SRRM2: variants seen among roughly 807,000 people sequenced by gnomAD.
SRRM2 encodes serine/arginine repetitive matrix protein 2.
SRRM2 carries 30 observed loss-of-function variants against 213.8 expected under a neutral mutation model. The ratio of observed to expected loss-of-function variants is 0.14; its 90% CI spans 0.10 to 0.19. The LOEUF (loss-of-function observed/expected upper bound fraction) is 0.19. Among genes scored for constraint, SRRM2 ranks in the 10% least tolerant of loss-of-function variants. SRRM2 has a pLI of 1.00. For synonymous variants in SRRM2, 2,025 were observed against 1,377.7 expected (o/e 1.47, Z -10.40); for missense variants, 4,904 against 3,647.0 (o/e 1.34, Z -8.88).
In SRRM2 at chr16:2,761,975, A is replaced by C. The variant is rs776738864; in HGVS notation, c.1447A>C (p.Arg483=). 2.5e-6 allele frequency: 4 copies of C among 1,614,030 alleles called. No individual in the cohort carries two copies. The highest frequency in any genetic ancestry group is 3.4e-6 in the Non-Finnish European group (4 of 1,179,990). ...HSHTPSRRMG[R]SRSPATAKRG... is the part of the protein sequence containing the mutation. The stretch of plus-strand genomic sequence containing the variant: ...TCATACCCCCTCCCGTAGGATGGGG[A>C]GGTCCCGTAGCCCTGCCACCGCTAA... The change falls in exon 11 of 15, where the codon AGG becomes CGG. Residue 483 remains arginine, a synonymous_variant. Transcript: ENST00000301740.
intron 1 of SRRM2, among the ~76,000 whole-genome samples, chr16:2,754,322 C>A (rs1051524614): frequency 2.0e-5 from 3 of 150,658 alleles, no homozygotes; most frequent in Non-Finnish European, 4.4e-5. Context: ...GAGACGGAGT[C>A]TAGCTCTGTT....
chr16:2,768,841 C>T (rs1369181377), intron 11 of SRRM2, 156 bp from the exon 12 acceptor site: 1 of 1,478,302 alleles, frequency 6.8e-7, no homozygotes, highest in East Asian at 2.5e-5. Context: ...CAGCTCGCAC[C>T]ACTGCTCTCC....
chr16:2,754,197 G>A (rs556503608), intron 1 of SRRM2, among the ~76,000 whole-genome samples: 1 of 151,956 alleles, frequency 6.6e-6, no homozygotes, highest in Non-Finnish European at 1.5e-5. Flanking sequence ...CCGTGGGGTC[G>A]TCGTCTTTTT....
chr16:2,769,180 ATCTTCCTCCTCCTCG>A lies in SRRM2; in HGVS notation c.7920_7934del (p.Ser2644_Ser2648del). ...CTTCCTCTTCTTCTTCTTCCTCCTCATCTTCCTCCTCCTCGTCGTCTTCCTCCCCTTCCCCTGCTA... is the reference window on the plus strand; with the variant it reads ...CTTCCTCTTCTTCTTCTTCCTCCTCATCGTCTTCCTCCCCTTCCCCTGCTA... On this transcript the variant is annotated inframe_deletion, in exon 12 of 15. Coordinates refer to ENST00000301740, the MANE Select transcript of SRRM2 (RefSeq NM_016333.4). The A allele has an allele frequency of 6.2e-7, 1 of 1,605,398 alleles. No individual in the cohort carries two copies. The highest frequency in any genetic ancestry group is 8.5e-7 in the Non-Finnish European group (1 of 1,176,002).
Position 2,765,930 on chromosome 16 carries a change from G to C in SRRM2, c.5402G>C (p.Arg1801Thr). ...SGSSQSTSRR[R>T]QRSRSRSRVT... ...TCTTCTCAGTCAACCTCTCGGCGAA[G>C]ACAGCGGAGCCGGTCAAGGTCGCGG... Residue 1801 changes from arginine (R) to threonine (T), a missense_variant, in exon 11 of 15, where the codon AGA (arginine) becomes ACA (threonine). By Grantham distance (71) the Arg-to-Thr change is moderately conservative. Coordinates refer to ENST00000301740, the MANE Select transcript of SRRM2 (RefSeq NM_016333.4). 1 of 1,614,228 alleles carries C rather than the reference G, an allele frequency of 6.2e-7. No individual in the cohort carries two copies. Among genetic ancestry groups the C allele is most frequent in the African/African-American group, 1.3e-5 (1 of 75,060 alleles).
intron 12 of SRRM2, chr16:2,769,587 C>G (rs780785792): frequency 1.6e-6 from 1 of 635,690 alleles, no homozygotes; most frequent in African/African-American, 1.8e-5. Context: ...TGCCAGGGCT[C>G]TGGTCTGGCC....
chr16:2,766,474 A>G lies in SRRM2; in HGVS notation c.5946A>G (p.Ser1982=). 2 of 1,614,018 alleles carry G rather than the reference A, an allele frequency of 1.2e-6. No homozygotes were observed. The highest frequency in any genetic ancestry group is 1.7e-6 in the Non-Finnish European group (2 of 1,179,960). The change falls in exon 11 of 15, where the codon TCA becomes TCG. Residue 1982 remains serine (S), a synonymous_variant. Transcript: ENST00000301740. The surrounding 1 kb of genome is among the most constrained non-coding windows in gnomAD (Gnocchi z 7.0). The stretch of plus-strand genomic sequence containing the variant: ...CTTCGCCTATCACTCGCAGAAGATC[A>G]AGATCCAGAACATCTCCGGTCACCC... ...SRTSPITRRR[S]RSRTSPVTRR...
chr16:2,759,446 C>T (rs1436754566), intron 8 of SRRM2, 44 bp downstream of exon 8: 2 of 1,594,930 alleles, frequency 1.3e-6, no homozygotes, highest in Admixed American at 1.7e-5. Context: ...TAAGTGAACG[C>T]CACCTTAGTG....
rs781172295 is a variant in SRRM2, at chr16:2,765,304, C to T, written c.4776C>T (p.Ser1592=). ...SPEVDSKSRL[S]PRRSRSGSSP... Reference sequence around the variant, plus strand: ...AGGTTGACAGCAAATCTCGACTATCCCCTCGGCGCAGTAGGTCTGGTTCCT... The same window carrying T: ...AGGTTGACAGCAAATCTCGACTATCTCCTCGGCGCAGTAGGTCTGGTTCCT... Residue 1592 remains serine (S), a synonymous_variant, in exon 11 of 15, where the codon TCC becomes TCT. Coordinates refer to ENST00000301740, the MANE Select transcript of SRRM2 (RefSeq NM_016333.4). 4 of 1,613,960 alleles carry T rather than the reference C, an allele frequency of 2.5e-6. No homozygotes were observed. The highest frequency in any genetic ancestry group is 3.3e-5 in the Admixed American group (2 of 59,994).
chr16:2,758,661 G>A, intron 5 of SRRM2, 114 bp downstream of exon 5: 1 of 1,052,076 alleles, frequency 9.5e-7, no homozygotes, highest in Non-Finnish European at 1.4e-6. Context: ...TTGTCAGGGA[G>A]GAGGGAGTTA....
chr16:2,754,806 T>G (rs11863130), intron 1 of SRRM2, among the ~76,000 whole-genome samples: 4,135 of 152,108 alleles, frequency 0.027, 218 homozygotes, highest in African/African-American at 0.094. Context: ...TGTAGAGAAA[T>G]TGATTTTTTG....
rs764790561 is a variant in SRRM2 at position 2,761,552 on chromosome 16, C to T, written c.1033-9C>T. ...GAATCCCTATCCCTGCTCTCTCTTCCACTCTTAGAAATCTGCAACTCGACC... is the reference window on the plus strand; with the variant it reads ...GAATCCCTATCCCTGCTCTCTCTTCTACTCTTAGAAATCTGCAACTCGACC... On this transcript the variant is annotated splice_polypyrimidine_tract_variant and intron_variant, in intron 10 of 14. Coordinates refer to ENST00000301740, the MANE Select transcript of SRRM2 (RefSeq NM_016333.4). 27 of 1,496,248 alleles carry T rather than the reference C, an allele frequency of 1.8e-5. No homozygotes were observed. In the East Asian group the frequency reaches 5.8e-4, roughly 32 times the overall value. 92.7% of individuals were successfully genotyped at this position (1,496,248 alleles called of 1,614,324 possible).
Position 2,766,252 on chromosome 16 carries a change from A to G in SRRM2, c.5724A>G (p.Arg1908=), listed in dbSNP as rs746611392. Reference sequence around the variant, plus strand: ...CAAGGTCCAGGACTTCAGTGACTCGACGAAGATCCCGGTCAAGAGCATCCC... The same window carrying G: ...CAAGGTCCAGGACTTCAGTGACTCGGCGAAGATCCCGGTCAAGAGCATCCC... The part of the protein sequence containing the change: ...RRSRSRTSVT[R]RRSRSRASPV... The change falls in exon 11 of 15, where the codon CGA becomes CGG. Residue 1908 remains arginine (R), a synonymous_variant. Coordinates refer to ENST00000301740, the MANE Select transcript of SRRM2 (RefSeq NM_016333.4). This position sits in a 1 kb window ranked among gnomAD's most constrained non-coding sequence, Gnocchi z 7.0. The G allele has an allele frequency of 1.2e-6, 2 of 1,614,164 alleles. No homozygotes were observed. Among genetic ancestry groups the G allele is most frequent in the Non-Finnish European group, 8.5e-7 (1 of 1,180,034 alleles).
At position 2,771,110 on chromosome 16, in the gene SRRM2, A is replaced by C. The variant is rs1596300022; in HGVS notation, c.*243A>C. On this transcript the variant is annotated 3_prime_UTR_variant, in exon 15 of 15. Coordinates refer to ENST00000301740, the MANE Select transcript of SRRM2 (RefSeq NM_016333.4). ...TGGGGTGGGAGGGAATGCAGATGGG[A>C]GTTGGGGGAGGGGAGGATACAGTTC... 4.0e-6 allele frequency: 2 copies of C among 499,568 alleles called. No homozygotes were observed. Among genetic ancestry groups the C allele is most frequent in the South Asian group, 4.2e-5 (2 of 47,452 alleles). 30.9% of individuals were successfully genotyped at this position (499,568 alleles called of 1,614,324 possible).
Position 2,763,181 on chromosome 16 carries a change from A to G in SRRM2, c.2653A>G (p.Thr885Ala). The change falls in exon 11 of 15, where the codon ACC (threonine) becomes GCC (alanine). Residue 885 changes from threonine to alanine, a missense_variant. Physicochemically the swap from Thr to Ala is moderately conservative, Grantham distance 58. Transcript: ENST00000301740. ...SSPDPELKSRTPSRHSCSGSS... is the reference protein window; with the variant it reads ...SSPDPELKSRAPSRHSCSGSS... ...ACCTGACCCTGAGTTGAAATCTAGG[A>G]CCCCTTCTAGACATAGCTGCTCAGG... 6.2e-7 allele frequency: 1 copy of G among 1,613,962 alleles called. No individual in the cohort carries two copies. The highest frequency in any genetic ancestry group is 2.2e-5 in the East Asian group (1 of 44,878).
rs775838052 is a variant in SRRM2 at position 2,764,825 on chromosome 16, A to G, written c.4297A>G (p.Arg1433Gly). 7 of 1,614,238 alleles carry G rather than the reference A, an allele frequency of 4.3e-6. No homozygotes were observed. Among genetic ancestry groups the G allele is most frequent in the South Asian group, 1.1e-5 (1 of 91,092 alleles). The part of the protein sequence containing the change: ...SSPEMKDGLP[R>G]TPSRRSRSGS... ...TCCTGAAATGAAAGATGGTTTACCC[A>G]GAACTCCATCAAGGAGAAGCAGGTC... The change falls in exon 11 of 15, where the codon AGA (arginine) becomes GGA (glycine). Residue 1433 changes from arginine (R) to glycine (G), a missense_variant. Physicochemically the swap from Arg to Gly is moderately radical, Grantham distance 125. Coordinates refer to ENST00000301740, the MANE Select transcript of SRRM2 (RefSeq NM_016333.4).
chr16:2,753,061 C>T (rs1405893388), intron 1 of SRRM2, among the ~76,000 whole-genome samples: 2 of 144,058 alleles, frequency 1.4e-5, no homozygotes, highest in Non-Finnish European at 3.1e-5. Context: ...TCCCCCATGA[C>T]AACGGCGTTC....
Position 2,762,726 on chromosome 16 carries a change from A to C in SRRM2, c.2198A>C (p.Lys733Thr). ...GGCTCATCTTCAGAGCGGAAAAACA[A>C]ATCCAGAACATCTCAAAGAAGAAGC... ...RSGSSSERKN[K>T]SRTSQRRSRS... Residue 733 changes from lysine to threonine, a missense_variant, in exon 11 of 15, where the codon AAA (lysine) becomes ACA (threonine). Transcript: ENST00000301740. The C allele has an allele frequency of 6.2e-7, 1 of 1,614,182 alleles. No individual in the cohort carries two copies.
chr16:2,760,174 C>G (rs947508652), intron 9 of SRRM2, 127 bp from the exon 10 acceptor site: 5 of 882,446 alleles, frequency 5.7e-6, no homozygotes, highest in East Asian at 2.7e-5. Flanking sequence ...TTGAGTTGTG[C>G]GACTAAAGGC....
Sources: allele counts gnomAD v4.1 joint callset (sites outside exome capture counted in the v4.1 genomes callset), GRCh38; gene constraint gnomAD v4.1.1; non-coding constraint Gnocchi (gnomAD v3.1); transcripts MANE v1.5; gene names NCBI Gene and HGNC (gene_info 2026-07-23, HGNC 2026-07-21).